NID2: variants seen among roughly 807,000 people sequenced by gnomAD.
NID2 encodes the protein nidogen-2.
Under a neutral mutation model 145.4 loss-of-function variants are expected in NID2, and 83 were observed. The observed-to-expected ratio is 0.57, with a 90% confidence interval of 0.48 to 0.69. The LOEUF is 0.69. Among genes scored for constraint, NID2 ranks in the 30% least tolerant of loss-of-function variants. NID2 has a pLI of 0.00. For missense variants in NID2, 1,807 were observed against 1,765.7 expected (o/e 1.02, Z -0.42); for synonymous variants, 739 against 701.3 (o/e 1.05, Z -0.85).
At position 52,017,715 on chromosome 14, in the gene NID2, T is replaced by A. The variant is rs576533771; in HGVS notation, c.3028+1346A>T. 1.2e-4 allele frequency among the ~76,000 whole-genome samples: 19 copies of A among 152,324 alleles called. 1 individual carries two copies. The Middle Eastern group carries it at 0.017, about 136-fold the overall frequency. On this transcript the variant is annotated intron_variant, in intron 14 of 21. Coordinates refer to ENST00000216286, the MANE Select transcript of NID2 (RefSeq NM_007361.4). Reference sequence around the variant, plus strand: ...GAGGGAAATAGAATTTCTCTGTACCTTTTTTGGACCTTTAAAATCTTTTCC... The same window carrying A: ...GAGGGAAATAGAATTTCTCTGTACCATTTTTGGACCTTTAAAATCTTTTCC...
At position 52,042,226 on chromosome 14, in the gene NID2, G is replaced by A; in HGVS notation, c.1704C>T (p.Ala568=). Residue 568 remains alanine, a synonymous_variant, in exon 7 of 22, where the codon GCC becomes GCT. Coordinates refer to ENST00000216286, the MANE Select transcript of NID2 (RefSeq NM_007361.4). ...IVGNDGRAYT[A]ISHIPQPAAQ... Reference sequence around the variant, plus strand: ...CTGCTGGCTGTGGGATGTGGCTGATGGCCGTGTAGGCTCTGCCATCATTGC... The same window carrying A: ...CTGCTGGCTGTGGGATGTGGCTGATAGCCGTGTAGGCTCTGCCATCATTGC... 6.2e-7 allele frequency: 1 copy of A among 1,614,192 alleles called. No individual in the cohort carries two copies. The highest frequency in any genetic ancestry group is 8.5e-7 in the Non-Finnish European group (1 of 1,180,030).
chr14:52,015,187 G>C lies in NID2; in HGVS notation c.3117C>G (p.Tyr1039Ter). Reference sequence around the variant, plus strand: ...GGCCCAGGTCATCGCACTGGGGCACGTACTGGTCATCCCGGGGGGTGCCAC... The same window carrying C: ...GGCCCAGGTCATCGCACTGGGGCACCTACTGGTCATCCCGGGGGGTGCCAC... ...HYGGTPRDDQ[Y>*]VPQCDDLGHF... The change falls in exon 15 of 22, where the codon TAC becomes TAG. Residue 1039 changes from tyrosine (Y) to a stop codon, truncating the protein, a stop_gained. Transcript: ENST00000216286. LOFTEE classifies it high-confidence loss of function. The C allele has an allele frequency of 1.2e-6, 2 of 1,614,110 alleles. No homozygotes were observed. The highest frequency in any genetic ancestry group is 1.7e-6 in the Non-Finnish European group (2 of 1,180,010).
At chr14:52,032,787 C>T (rs1891912891) in intron 9 of NID2, among the ~76,000 whole-genome samples, 1 of 116,900 alleles carries the variant, frequency 8.6e-6, no homozygotes, top group South Asian at 2.9e-4. Flanking sequence ...AGCTTACCAC[C>T]CTGCTAGGCA....
At chr14:52,054,478 G>T (rs1331805271) in intron 3 of NID2, among the ~76,000 whole-genome samples, 157 bp from the exon 4 acceptor site, 1 of 152,192 alleles carries the variant, frequency 6.6e-6, no homozygotes, top group East Asian at 1.9e-4. Flanking sequence ...AAAGTAGGAG[G>T]ATGACTTAAG....
chr14:52,028,834 T>TG lies in NID2; in HGVS notation c.2417dup (p.Thr807AsnfsTer22), dbSNP rs1842794038. 6.2e-7 allele frequency: 1 copy of TG among 1,613,576 alleles called. No individual in the cohort carries two copies. On this transcript the variant is annotated frameshift_variant, in exon 11 of 22. Transcript: ENST00000216286. LOFTEE classifies it high-confidence loss of function. The stretch of plus-strand genomic sequence containing the variant: ...TGGGGCCACAGCGATGAAAGCCAGT[T>TG]GCACATTCATTTTCATCTAAGAAGA...
intron 12 of NID2, among the ~76,000 whole-genome samples, chr14:52,026,928 C>T (rs970852060): frequency 4.6e-4 from 70 of 152,340 alleles, no homozygotes; most frequent in Middle Eastern, 3.4e-3. Context: ...CTCCAGCCTG[C>T]GCTGGCTCCA....
At chr14:52,025,383 C>T (rs1891554912) in intron 12 of NID2, among the ~76,000 whole-genome samples, 1 of 152,144 alleles carries the variant, frequency 6.6e-6, no homozygotes, top group Admixed American at 6.5e-5. Context: ...TACTCTTTAT[C>T]TAGAGCTAGG....
chr14:52,006,633 G>A lies in NID2; in HGVS notation c.3908C>T (p.Pro1303Leu). The A allele has an allele frequency of 1.2e-6, 2 of 1,613,806 alleles. No homozygotes were observed. Among genetic ancestry groups the A allele is most frequent in the Non-Finnish European group, 1.7e-6 (2 of 1,179,738 alleles). ...AGTKKLECTL[P>L]DGTGRRVIQN... Reference sequence around the variant, plus strand: ...AATGACACGCCGTCCAGTTCCATCAGGTAGTGTACACTCCAGTTTTTTGGT... The same window carrying A: ...AATGACACGCCGTCCAGTTCCATCAAGTAGTGTACACTCCAGTTTTTTGGT... Residue 1303 changes from proline (P) to leucine (L), a missense_variant, in exon 20 of 22, where the codon CCT becomes CTT. Physicochemically the swap from Pro to Leu is moderately conservative, Grantham distance 98 (BLOSUM62 -3). Transcript: ENST00000216286.
chr14:52,046,183 C>T (rs1032990841), intron 5 of NID2, among the ~76,000 whole-genome samples: 25 of 151,842 alleles, frequency 1.6e-4, no homozygotes, highest in African/African-American at 5.8e-4. Flanking sequence ...ATTAGCCAGG[C>T]GTGGTGGTGG....
At chr14:52,010,719 G>C in intron 18 of NID2, 157 bp downstream of exon 18, 2 of 677,492 alleles carry the variant, frequency 3.0e-6, no homozygotes, top group South Asian at 4.1e-5. Flanking sequence ...TCCTAGAACA[G>C]GTCCTGACAC....
At chr14:52,030,904 T>C (rs925632824) in intron 9 of NID2, among the ~76,000 whole-genome samples, 2 of 152,222 alleles carry the variant, frequency 1.3e-5, no homozygotes, top group Non-Finnish European at 2.9e-5. Flanking sequence ...AGCATTTATG[T>C]GTGAGGCATT....
At chr14:52,037,184 T>C (rs1220494473) in intron 9 of NID2, among the ~76,000 whole-genome samples, 1 of 152,242 alleles carries the variant, frequency 6.6e-6, no homozygotes, top group Admixed American at 6.5e-5. Context: ...TTGTATGTGG[T>C]CACTCAGTGG....
At chr14:52,048,001 T>G (rs916594706) in intron 5 of NID2, among the ~76,000 whole-genome samples, 8 of 152,282 alleles carry the variant, frequency 5.3e-5, no homozygotes, top group Non-Finnish European at 1.2e-4. Flanking sequence ...CAATCTACAC[T>G]TTAGCCACCC....
chr14:52,035,957 C>T (rs1892056835), intron 9 of NID2, among the ~76,000 whole-genome samples: 1 of 150,150 alleles, frequency 6.7e-6, no homozygotes, highest in East Asian at 1.9e-4. Flanking sequence ...GATCCACCCA[C>T]CTCAGCCTCC....
intron 12 of NID2, 127 bp downstream of exon 12, chr14:52,027,074 T>C (rs1034183669): frequency 2.1e-6 from 2 of 973,130 alleles, no homozygotes; most frequent in Admixed American, 8.3e-5. Flanking sequence ...TTTCTCACTA[T>C]TTTGGCAGCC....
intron 18 of NID2, 21 bp from the exon 19 acceptor site, chr14:52,007,988 T>C (rs1467297791): frequency 6.3e-7 from 1 of 1,589,972 alleles, no homozygotes; most frequent in East Asian, 2.2e-5. Flanking sequence ...AAAATCAAGA[T>C]TGTAAAAGAA....
In NID2 at chr14:52,019,135, T is replaced by C. The variant is rs761904056; in HGVS notation, c.2954A>G (p.Asp985Gly). Residue 985 changes from aspartate to glycine, a missense_variant, in exon 14 of 22, where the codon GAC (aspartate) becomes GGC (glycine). Coordinates refer to ENST00000216286, the MANE Select transcript of NID2 (RefSeq NM_007361.4). The stretch of plus-strand genomic sequence containing the variant: ...ACCAGGAACTTCATGACCATCAGGG[T>C]CCACGCACCAGCAGAAACCAGTGCT... ...HGSTGFCWCV[D>G]PDGHEVPGTQ... 3 of 1,614,026 alleles carry C rather than the reference T, an allele frequency of 1.9e-6. No individual in the cohort carries two copies. The East Asian group carries it at 6.7e-5, about 36-fold the overall frequency.
intron 5 of NID2, among the ~76,000 whole-genome samples, chr14:52,043,492 G>T (rs982034031): frequency 6.6e-6 from 1 of 152,204 alleles, no homozygotes; most frequent in South Asian, 2.1e-4. Context: ...GGGGACAGAG[G>T]AGGGCAAAAC....
intron 9 of NID2, among the ~76,000 whole-genome samples, chr14:52,038,102 A>G (rs957218007): frequency 6.6e-6 from 1 of 152,208 alleles, no homozygotes; most frequent in African/African-American, 2.4e-5. Context: ...GTTCTTGCCT[A>G]ATCACCCTGG....
Sources: allele counts gnomAD v4.1 joint callset (sites outside exome capture counted in the v4.1 genomes callset), GRCh38; gene constraint gnomAD v4.1.1; transcripts MANE v1.5; gene names NCBI Gene and HGNC (gene_info 2026-07-23, HGNC 2026-07-21).